GALNT13: variants seen among roughly 807,000 people sequenced by gnomAD.
The protein encoded by GALNT13 is polypeptide N-acetylgalactosaminyltransferase 13, also known as UDP-GalNAc:polypeptide N-acetylgalactosaminyltransferase 13.
In GALNT13, 28 loss-of-function variants were observed where a neutral mutation model predicts 64.2. The ratio of observed to expected loss-of-function variants is 0.44; its 90% CI spans 0.32 to 0.60. The LOEUF is 0.60. Ranked by LOEUF, GALNT13 falls within the 20% of genes least tolerant of loss-of-function variation. The pLI is 0.05. For synonymous variants in GALNT13, 214 were observed against 224.6 expected, an observed-to-expected ratio of 0.95 and a Z score of 0.42; for missense variants, 577 against 669.8, an observed-to-expected ratio of 0.86 and a Z score of 1.53.
chr2:153,901,709 TA>T (rs1558843213), intron 2 of GALNT13, among the ~76,000 whole-genome samples: 1 of 152,052 alleles, frequency 6.6e-6, no homozygotes, highest in South Asian at 2.1e-4. Context: ...ATTTCAAATT[TA>T]AAAAAATAAG....
At chr2:153,535,092 G>A in the GALNT13 span, among the ~76,000 whole-genome samples, 128 of 152,160 alleles carry the variant, frequency 8.4e-4, no homozygotes, top group African/African-American at 2.7e-3. Context: ...TAGGGGCGGC[G>A]TGGGAACCTA....
At chr2:154,101,059 T>C (rs1347572438) in intron 3 of GALNT13, among the ~76,000 whole-genome samples, 1 of 152,138 alleles carries the variant, frequency 6.6e-6, no homozygotes, top group Non-Finnish European at 1.5e-5. Flanking sequence ...TAGAAGCAAA[T>C]TGATCAGGAT....
chr2:153,686,145 A>G, the GALNT13 span, among the ~76,000 whole-genome samples: 1 of 151,952 alleles, frequency 6.6e-6, no homozygotes, highest in Non-Finnish European at 1.5e-5. Context: ...TTGGTTCCCT[A>G]TGAATTTTAA....
At chr2:153,813,432 T>C in the GALNT13 span, among the ~76,000 whole-genome samples, 2 of 152,212 alleles carry the variant, frequency 1.3e-5, no homozygotes, top group East Asian at 3.8e-4. Context: ...GCCATGCAGC[T>C]ATAGGTCTCT....
At chr2:153,673,135 A>G in the GALNT13 span, among the ~76,000 whole-genome samples, 1 of 152,214 alleles carries the variant, frequency 6.6e-6, no homozygotes, top group Non-Finnish European at 1.5e-5. Context: ...AGATACAAAG[A>G]TGAGCTGGTA....
chr2:153,397,410 C>T, the GALNT13 span, among the ~76,000 whole-genome samples: 2 of 152,056 alleles, frequency 1.3e-5, no homozygotes, highest in South Asian at 2.1e-4. Context: ...CAGTAAGAGC[C>T]TCCATGGCAG....
chr2:154,446,355 A>G, intron 12 of GALNT13: 1 of 352,146 alleles, frequency 2.8e-6, no homozygotes, highest in Non-Finnish European at 5.1e-6. Flanking sequence ...GCCCCTCTCC[A>G]TATTCTCAGT....
the GALNT13 span, among the ~76,000 whole-genome samples, chr2:153,406,002 C>G: frequency 2.6e-5 from 4 of 152,194 alleles, no homozygotes; most frequent in Non-Finnish European, 5.9e-5. Context: ...AAAAGTAGTA[C>G]TTCCCTCCCT....
chr2:154,091,507 T>G (rs1701807563), intron 3 of GALNT13, among the ~76,000 whole-genome samples: 1 of 151,782 alleles, frequency 6.6e-6, no homozygotes, highest in Admixed American at 6.6e-5. Flanking sequence ...ATATACTAAA[T>G]TAAAAGGATG....
chr2:153,517,556 A>T, the GALNT13 span, among the ~76,000 whole-genome samples: 7 of 152,284 alleles, frequency 4.6e-5, no homozygotes, highest in African/African-American at 1.4e-4. Context: ...GAACAATTCG[A>T]GTCAGAAAAT....
At chr2:153,715,621 T>G in the GALNT13 span, among the ~76,000 whole-genome samples, 1 of 152,342 alleles carries the variant, frequency 6.6e-6, no homozygotes, top group African/African-American at 2.4e-5. Flanking sequence ...GTACTACTTG[T>G]CAACTTTTCA....
At chr2:154,133,439 T>C (rs1022190647) in intron 3 of GALNT13, among the ~76,000 whole-genome samples, 6 of 150,802 alleles carry the variant, frequency 4.0e-5, no homozygotes, top group Admixed American at 6.6e-5. Context: ...TTTTTGAGCT[T>C]GTATTAACAC....
At chr2:154,270,809 T>C (rs1192390619) in intron 8 of GALNT13, among the ~76,000 whole-genome samples, 1 of 151,868 alleles carries the variant, frequency 6.6e-6, no homozygotes, top group Admixed American at 6.6e-5. Context: ...CATCCACTAA[T>C]GCCTTTAAAT....
intron 1 of GALNT13, among the ~76,000 whole-genome samples, chr2:153,884,693 C>T (rs140564224): frequency 0.052 from 7,793 of 149,096 alleles, 301 homozygotes; most frequent in South Asian, 0.11. Flanking sequence ...CTGAGGTGGG[C>T]GGATCATCTG....
chr2:153,718,745 A>G, the GALNT13 span, among the ~76,000 whole-genome samples: 46 of 152,322 alleles, frequency 3.0e-4, no homozygotes, highest in African/African-American at 1.1e-3. Flanking sequence ...TAGCTTTCTC[A>G]TCTATGTGTT....
the GALNT13 span, among the ~76,000 whole-genome samples, chr2:153,475,591 T>C: frequency 6.6e-6 from 1 of 152,206 alleles, no homozygotes; most frequent in African/African-American, 2.4e-5. Flanking sequence ...TGAAAACCTG[T>C]GTTCTATACA....
chr2:153,776,041 C>G, the GALNT13 span, among the ~76,000 whole-genome samples: 1 of 152,028 alleles, frequency 6.6e-6, no homozygotes, highest in Non-Finnish European at 1.5e-5. Context: ...CAATAGGAAA[C>G]TTCGAAGAAA....
At chr2:154,305,086 A>G (rs187180285) in intron 9 of GALNT13, among the ~76,000 whole-genome samples, 1 of 152,258 alleles carries the variant, frequency 6.6e-6, no homozygotes, top group Non-Finnish European at 1.5e-5. Context: ...ATTTCAGATC[A>G]TCCAAAAACA....
At chr2:153,640,135 A>G in the GALNT13 span, among the ~76,000 whole-genome samples, 1 of 152,100 alleles carries the variant, frequency 6.6e-6, no homozygotes, top group African/African-American at 2.4e-5. Flanking sequence ...CAAATAAAGC[A>G]CCGAGATCTC....
Sources: gnomAD v4.1 joint callset for allele counts (sites outside exome capture counted in the v4.1 genomes callset) on GRCh38, gnomAD v4.1.1 for gene constraint, MANE v1.5 for transcripts, NCBI Gene and HGNC (gene_info 2026-07-23, HGNC 2026-07-21) for gene names.